The following SOD2 variants were observed in gnomAD, a reference collection of about 807,000 sequenced individuals.
The protein encoded by SOD2 is superoxide dismutase [Mn], mitochondrial.
Under a neutral mutation model 27.0 loss-of-function variants are expected in SOD2, and 11 were observed. The ratio of observed to expected loss-of-function variants is 0.41; its 90% CI spans 0.26 to 0.67. The LOEUF (loss-of-function observed/expected upper bound fraction) is 0.67. SOD2 is among the 30% of genes least tolerant of loss of function. SOD2 has a pLI of 0.34. For missense variants in SOD2, 250 were observed against 274.5 expected (o/e 0.91, Z 0.63); for synonymous variants, 105 against 103.0 (o/e 1.02, Z -0.12).
At chr6:159,720,887 T>A (rs1030398427) in intron 1 of SOD2, among the ~76,000 whole-genome samples, 1 of 138,050 alleles carries the variant, frequency 7.2e-6, no homozygotes, top group Non-Finnish European at 1.6e-5. Context: ...GACAGTGTCT[T>A]GTTGTGTCGC....
At chr6:159,745,290 CA>C (rs1779509428), upstream of SOD2, 1 of 152,202 alleles carries the variant, frequency 6.6e-6, no homozygotes, top group Admixed American at 6.5e-5. Flanking sequence ...TATTCATGCA[CA>C]TCTGATTCTC....
In SOD2 at chr6:159,758,255, GAAAA is replaced by G. The variant is rs71742935; in HGVS notation, c.-336+2778_-336+2781del. On this transcript the variant is annotated intron_variant, in intron 1 of 7. Transcript: ENST00000546087. ...CTGCTGTCTTAGCTTGGGCTGCTGTGAAAAAAAAAAAAAACCACAGACTGGGTGG... is the reference window on the plus strand; with the variant it reads ...CTGCTGTCTTAGCTTGGGCTGCTGTGAAAAAAAAAACCACAGACTGGGTGG... Among the ~76,000 whole-genome samples the G allele has an allele frequency of 3.9e-4, 55 of 141,618 alleles. No individual in the cohort carries two copies. The Middle Eastern group carries it at 0.011, about 28-fold the overall frequency. 92.9% of individuals were successfully genotyped at this position (141,618 alleles called of 152,430 possible). A position where few individuals can be genotyped will look rare whatever the true frequency, so the allele number is the denominator to read the frequency against.
chr6:159,739,507 C>G (rs78312047), intron 1 of SOD2, among the ~76,000 whole-genome samples: 1 of 152,186 alleles, frequency 6.6e-6, no homozygotes, highest in Admixed American at 6.5e-5. Context: ...TGAATTTCTG[C>G]GGTTATCTTG....
At chr6:159,727,160 T>A (rs545139591) in exon 1 of SOD2, 94 of 1,195,472 alleles carry the variant, frequency 7.9e-5, no homozygotes, top group Non-Finnish European at 9.5e-5. Context: ...CCCGCGGAGC[T>A]CGCGCCAGGC....
intron 1 of SOD2, among the ~76,000 whole-genome samples, chr6:159,716,014 CTT>C (rs1777916625): frequency 2.0e-5 from 3 of 151,860 alleles, no homozygotes; most frequent in Admixed American, 6.6e-5. Context: ...TGAATAATGA[CTT>C]TTAAATTTTT....
rs73601332 is a variant in SOD2 at position 159,760,016 on chromosome 6, G to A, written c.-336+1021C>T. 8.1e-3 allele frequency among the ~76,000 whole-genome samples: 1,229 copies of A among 152,322 alleles called. 19 individuals carry two copies. The highest frequency in any genetic ancestry group is 0.027 in the African/African-American group (1,128 of 41,572). The stretch of plus-strand genomic sequence containing the variant: ...TAAAGCAGTGTAACAGGATCATCTT[G>A]GAAAGCTTATGTAGTCAGTAGAGGA... On this transcript the variant is annotated intron_variant, in intron 1 of 7. Transcript: ENST00000546087.
At chr6:159,693,522 G>T (rs865843146), upstream of SOD2, among the ~76,000 whole-genome samples, 2 of 152,196 alleles carry the variant, frequency 1.3e-5, no homozygotes, top group African/African-American at 2.4e-5. Flanking sequence ...CGGCCGAAGG[G>T]AGGCGGCCCC....
intron 1 of SOD2, chr6:159,742,056 TAAC>T (rs747546577): frequency 1.4e-6 from 2 of 1,480,748 alleles, no homozygotes; most frequent in African/African-American, 2.8e-5. Flanking sequence ...TATTTTATCG[TAAC>T]AACTAATGTA....
At chr6:159,727,497 C>T (rs1778259266), upstream of SOD2, 1 of 993,150 alleles carries the variant, frequency 1.0e-6, no homozygotes, top group Non-Finnish European at 1.2e-6. Flanking sequence ...GGCGGCGGGG[C>T]CTGGTTTCCT....
At chr6:159,753,676 C>A in intron 1 of SOD2, 1 of 1,533,622 alleles carries the variant, frequency 6.5e-7, no homozygotes, top group South Asian at 1.3e-5. Context: ...TTAAAACTGC[C>A]AGTCATGAAT....
chr6:159,707,192 C>T (rs1393566950), intron 1 of SOD2, among the ~76,000 whole-genome samples: 1 of 152,078 alleles, frequency 6.6e-6, no homozygotes, highest in Admixed American at 6.6e-5. Flanking sequence ...GATACCCTAA[C>T]ATCACAATTA....
chr6:159,736,159 G>A, intron 1 of SOD2: 1 of 1,139,862 alleles, frequency 8.8e-7, no homozygotes, highest in East Asian at 2.4e-5. Context: ...CAGTAATTTA[G>A]TTCACTAATA....
At chr6:159,721,283 G>A (rs1292674602) in intron 1 of SOD2, among the ~76,000 whole-genome samples, 1 of 151,962 alleles carries the variant, frequency 6.6e-6, no homozygotes, top group East Asian at 1.9e-4. Context: ...TAGCCAGGAT[G>A]GTCTCAATCT....
chr6:159,737,054 T>A (rs1412002326), intron 1 of SOD2, among the ~76,000 whole-genome samples: 1 of 152,214 alleles, frequency 6.6e-6, no homozygotes, highest in East Asian at 1.9e-4. Context: ...TACCCTTTGA[T>A]TTTCCTCCCT....
Position 159,675,198 on chromosome 6 carries a change from A to AT in SOD2, c.*7294dup, listed in dbSNP as rs1370447230. 2.6e-5 allele frequency: 4 copies of AT among 152,248 alleles called. No individual in the cohort carries two copies. The highest frequency in any genetic ancestry group is 9.6e-5 in the African/African-American group (4 of 41,462). The allele number at this position is 152,248 out of a possible 1,614,324, so 9.4% of individuals were successfully genotyped here. On this transcript the variant is annotated 3_prime_UTR_variant, in exon 5 of 5. Transcript: ENST00000538183. ...CAAGGTAATTTATAGATTCAATGCC[A>AT]TCCCCATCAAGCTACCCATGACTTT...
Position 159,669,803 on chromosome 6 carries a change from AAT to A in SOD2, c.*12688_*12689del, listed in dbSNP as rs1333317595. The stretch of plus-strand genomic sequence containing the variant: ...TCTTTTTTGGCTTCCATTTGTATGC[AAT>A]ATCTTTCTCCATACCTTCACTTTTG... On this transcript the variant is annotated 3_prime_UTR_variant, in exon 5 of 5. Coordinates refer to ENST00000538183, the MANE Select transcript of SOD2 (RefSeq NM_000636.4). 1.3e-5 allele frequency: 2 copies of A among 152,162 alleles called. No homozygotes were observed. Among genetic ancestry groups the A allele is most frequent in the African/African-American group, 4.8e-5 (2 of 41,430 alleles). 9.4% of individuals were successfully genotyped at this position (152,162 alleles called of 1,614,324 possible).
rs373091555 is a variant in SOD2, at chr6:159,742,157, G to C, written c.-116+2973C>G. On this transcript the variant is annotated intron_variant, in intron 1 of 3. Transcript: ENST00000537657. ...ACACAGATCTTAACTGTAAGTTTGA[G>C]TTTTAGCTTCCTAAAGACTGAATAA... 1.1e-4 allele frequency: 174 copies of C among 1,595,878 alleles called. No homozygotes were observed. In the African/African-American group the frequency reaches 2.0e-3, roughly 19 times the overall value.
chr6:159,755,777 T>TC, intron 1 of SOD2: 2 of 1,039,722 alleles, frequency 1.9e-6, no homozygotes, highest in Non-Finnish European at 2.5e-6. Flanking sequence ...TTTTTTTTTT[T>TC]TTTTTTTTTT....
chr6:159,712,079 C>T lies in SOD2; in HGVS notation c.-116+15050G>A, dbSNP rs71551146. ...CATAACCACCACTCGGCTGCTCAGA[C>T]CTCCATAACCACCTCCATAACCACC... On this transcript the variant is annotated intron_variant, in intron 1 of 2. Transcript: ENST00000401980. Among the ~76,000 whole-genome samples, 55 of 33,196 alleles carry T rather than the reference C, an allele frequency of 1.7e-3. 5 individuals carry two copies. The highest frequency in any genetic ancestry group is 0.028 in the Middle Eastern group (1 of 36). 21.8% of individuals were successfully genotyped at this position (33,196 alleles called of 152,430 possible).
Sources: allele counts gnomAD v4.1 joint callset (sites outside exome capture counted in the v4.1 genomes callset), GRCh38; gene constraint gnomAD v4.1.1; transcripts MANE v1.5; gene names NCBI Gene and HGNC (gene_info 2026-07-23, HGNC 2026-07-21).